Variants in UBE2K observed in about 807,000 individuals in gnomAD.
UBE2K encodes ubiquitin-conjugating enzyme E2 K.
UBE2K carries 6 observed loss-of-function variants against 30.0 expected under a neutral mutation model. The observed-to-expected ratio is 0.20, with a 90% confidence interval of 0.11 to 0.39. The LOEUF is 0.39. Ranked by LOEUF, UBE2K falls within the 10% of genes least tolerant of loss-of-function variation. The probability of loss-of-function intolerance (pLI) is 1.00; values close to 1 mark genes in which losing one functional copy is unlikely to be tolerated. For synonymous variants in UBE2K, 86 were observed against 83.7 expected, an observed-to-expected ratio of 1.03 and a Z score of -0.15; for missense variants, 61 against 241.6, an observed-to-expected ratio of 0.25 and a Z score of 4.96.
At chr4:39,770,753 T>TC in intron 4 of UBE2K, 2 of 1,582,902 alleles carry the variant, frequency 1.3e-6, no homozygotes, top group Non-Finnish European at 1.7e-6. Flanking sequence ...CCAGGCCCCC[T>TC]CCCAGGCCTC....
chr4:39,724,095 G>A lies in UBE2K; in HGVS notation c.64-13325G>A, dbSNP rs548277347. The stretch of plus-strand genomic sequence containing the variant: ...CCCAAAGTACTGGGATTACAGGCAT[G>A]AGCCACCATGCCCAGTCCTTTTTTA... On this transcript the variant is annotated intron_variant, in intron 1 of 6. Transcript: ENST00000261427. 4.6e-5 allele frequency among the ~76,000 whole-genome samples: 7 copies of A among 150,786 alleles called. No homozygotes were observed. The East Asian group carries it at 1.4e-3, about 30-fold the overall frequency.
intron 1 of UBE2K, among the ~76,000 whole-genome samples, chr4:39,705,049 G>GTT (rs577446193): frequency 6.8e-6 from 1 of 146,834 alleles, no homozygotes; most frequent in African/African-American, 2.5e-5. Flanking sequence ...GTTTTTTTTT[G>GTT]TTTTTTTTTG....
chr4:39,767,309 T>TTGTG (rs1553880119), intron 4 of UBE2K, among the ~76,000 whole-genome samples: 27 of 150,856 alleles, frequency 1.8e-4, no homozygotes, highest in African/African-American at 6.4e-4. Flanking sequence ...GTTTTTTTTT[T>TTGTG]TGTGTGTGTG....
intron 1 of UBE2K, among the ~76,000 whole-genome samples, chr4:39,734,166 C>T (rs1720226960): frequency 7.0e-6 from 1 of 143,756 alleles, no homozygotes; most frequent in Non-Finnish European, 1.5e-5. Flanking sequence ...AGTGCAATGG[C>T]GAAATCTCGG....
At chr4:39,699,092 GACATC>G (rs1303112304) in intron 1 of UBE2K, among the ~76,000 whole-genome samples, 1 of 152,122 alleles carries the variant, frequency 6.6e-6, no homozygotes, top group African/African-American at 2.4e-5. Context: ...CATCTTTATT[GACATC>G]TCAATCTTTT....
chr4:39,718,176 T>C (rs960307144), intron 1 of UBE2K, among the ~76,000 whole-genome samples: 11 of 152,290 alleles, frequency 7.2e-5, no homozygotes, highest in African/African-American at 2.4e-4. Flanking sequence ...TTGGTCTGTT[T>C]TACAGAGAGT....
chr4:39,777,914 C>CGAATTT lies in UBE2K; in HGVS notation c.528+104_528+105insGAATTT, dbSNP rs976798213. On this transcript the variant is annotated intron_variant, in intron 6 of 6. Transcript: ENST00000261427. ...TTTAGAAAATAAGAGAAATTCGCAG[C>CGAATTT]CTGGGCAACATGGCGAAACCCATCT... is the stretch of plus-strand genomic sequence containing the variant. The CGAATTT allele has an allele frequency of 9.6e-6, 11 of 1,145,110 alleles. No individual in the cohort carries two copies. In the African/African-American group the frequency reaches 1.6e-4, roughly 17 times the overall value. 70.9% of individuals were successfully genotyped at this position (1,145,110 alleles called of 1,614,324 possible). A position where few individuals can be genotyped will look rare whatever the true frequency, so the allele number is the denominator to read the frequency against.
intron 1 of UBE2K, among the ~76,000 whole-genome samples, chr4:39,700,757 T>C (rs575233930): frequency 1.1e-4 from 17 of 152,268 alleles, no homozygotes; most frequent in Middle Eastern, 3.4e-3. Flanking sequence ...AGAACACTGG[T>C]TGATTTAAGG....
intron 4 of UBE2K, among the ~76,000 whole-genome samples, chr4:39,773,873 A>G (rs1713103239): frequency 6.6e-6 from 1 of 151,952 alleles, no homozygotes; most frequent in South Asian, 2.1e-4. Flanking sequence ...GGGAGCCGAG[A>G]TCGCGCCACT....
intron 4 of UBE2K, 84 bp from the exon 5 acceptor site, chr4:39,774,750 A>T (rs911816817): frequency 1.4e-5 from 10 of 735,620 alleles, no homozygotes; most frequent in African/African-American, 1.8e-5. Context: ...TAGCTCTACA[A>T]TTTTTTAATT....
intron 1 of UBE2K, among the ~76,000 whole-genome samples, chr4:39,731,830 TTTTACATATGCATGACAA>T (rs1375652057): frequency 3.9e-5 from 6 of 152,168 alleles, no homozygotes; most frequent in African/African-American, 1.4e-4. Flanking sequence ...TAAATTTCAC[TTTTACATATGCATGACAA>T]TGATGAGCAG....
chr4:39,740,308 TAGA>T (rs1347914344), intron 2 of UBE2K, among the ~76,000 whole-genome samples: 3 of 152,090 alleles, frequency 2.0e-5, no homozygotes, highest in Non-Finnish European at 2.9e-5. Flanking sequence ...CTAAATTAGA[TAGA>T]AGCAATATTT....
Position 39,781,595 on chromosome 4 carries a change from T to A in UBE2K, c.*3161T>A, listed in dbSNP as rs186399744. On this transcript the variant is annotated 3_prime_UTR_variant, in exon 7 of 7. Coordinates refer to ENST00000261427, the MANE Select transcript of UBE2K (RefSeq NM_005339.5). Reference sequence around the variant, plus strand: ...TGTATGGTAATGTTTTACAATCCTATGTAGCAAAATAGGAAATTATGAATT... The same window carrying A: ...TGTATGGTAATGTTTTACAATCCTAAGTAGCAAAATAGGAAATTATGAATT... The A allele has an allele frequency of 2.7e-4, 57 of 213,170 alleles. No individual in the cohort carries two copies. In the East Asian group the frequency reaches 4.6e-3, roughly 17 times the overall value. The allele number at this position is 213,170 out of a possible 1,614,324, so 13.2% of individuals were successfully genotyped here.
intron 4 of UBE2K, among the ~76,000 whole-genome samples, chr4:39,756,254 T>C (rs1176630569): frequency 6.6e-6 from 1 of 152,208 alleles, no homozygotes; most frequent in Non-Finnish European, 1.5e-5. Context: ...TTAAATGTTT[T>C]AAGAGTTCCT....
In UBE2K at chr4:39,752,891, A is replaced by G. The variant is rs371793609; in HGVS notation, c.217-2766A>G. The stretch of plus-strand genomic sequence containing the variant: ...ATGGGCCAAGCACTGTGGCCCACTC[A>G]TGCCTGTAATCCCAGCAGTTTGGGA... On this transcript the variant is annotated intron_variant, in intron 3 of 6. Transcript: ENST00000261427. 5.9e-5 allele frequency among the ~76,000 whole-genome samples: 9 copies of G among 152,232 alleles called. No homozygotes were observed. The South Asian group carries it at 1.7e-3, about 28-fold the overall frequency.
intron 6 of UBE2K, among the ~76,000 whole-genome samples, chr4:39,778,154 A>C (rs1387913647): frequency 6.6e-6 from 1 of 151,620 alleles, no homozygotes; most frequent in Non-Finnish European, 1.5e-5. Flanking sequence ...GTTTTGGTAA[A>C]CATATTTTCT....
At chr4:39,727,193 CTT>C (rs1719802560) in intron 1 of UBE2K, among the ~76,000 whole-genome samples, 1 of 152,090 alleles carries the variant, frequency 6.6e-6, no homozygotes, top group Non-Finnish European at 1.5e-5. Context: ...CACAAGCAGT[CTT>C]AGAGTACAAA....
intron 3 of UBE2K, among the ~76,000 whole-genome samples, chr4:39,754,908 A>C (rs944861251): frequency 6.6e-6 from 1 of 152,222 alleles, no homozygotes; most frequent in Non-Finnish European, 1.5e-5. Context: ...TAGGAATACA[A>C]GATCCTCCAA....
rs147525043 is a variant in UBE2K, at chr4:39,706,967, C to A, written c.63+8577C>A. ...TGTCACCCAGCCTGGAGTGCAGTGG[C>A]TTTATCTCGGCTCACTGCAGCCTCC... is the stretch of plus-strand genomic sequence containing the variant. On this transcript the variant is annotated intron_variant, in intron 1 of 6. Coordinates refer to ENST00000261427, the MANE Select transcript of UBE2K (RefSeq NM_005339.5). Among the ~76,000 whole-genome samples, 175 of 152,110 alleles carry A rather than the reference C, an allele frequency of 1.2e-3. 3 individuals are homozygous for A. In the East Asian group the frequency reaches 0.031, roughly 27 times the overall value.
Sources: gnomAD v4.1 joint callset for allele counts (sites outside exome capture counted in the v4.1 genomes callset) on GRCh38, gnomAD v4.1.1 for gene constraint, MANE v1.5 for transcripts, NCBI Gene and HGNC (gene_info 2026-07-23, HGNC 2026-07-21) for gene names.